Variants in DENND11 observed in about 807,000 individuals in gnomAD.
The protein encoded by DENND11 is DENN domain-containing protein 11.
A neutral mutation model predicts 49.2 loss-of-function variants in DENND11; 34 were observed. The observed-to-expected ratio is 0.69, with a 90% CI of 0.53 to 0.92. The LOEUF is 0.92. Among genes scored for constraint, DENND11 ranks in the 40% least tolerant of loss-of-function variants. DENND11 has a pLI of 0.00. For missense variants in DENND11, 475 were observed against 581.6 expected (o/e 0.82, Z 1.88); for synonymous variants, 238 against 230.3 (o/e 1.03, Z -0.30).
chr7:141,672,452 C>G lies in DENND11; in HGVS notation c.681+1615G>C, dbSNP rs543258883. ...AGCAAGCTCACATAGTGGAGAGACC[C>G]ACATGGCTAAGAACTGAGGGGAGCC... On this transcript the variant is annotated intron_variant, in intron 4 of 8. Coordinates refer to ENST00000536163, the MANE Select transcript of DENND11 (RefSeq NM_001080392.2). Among the ~76,000 whole-genome samples, 11 of 152,312 alleles carry G rather than the reference C, an allele frequency of 7.2e-5. No individual in the cohort carries two copies. In the East Asian group the frequency reaches 2.1e-3, roughly 29 times the overall value.
At chr7:141,675,203 G>A (rs1353841723) in intron 3 of DENND11, among the ~76,000 whole-genome samples, 1 of 152,096 alleles carries the variant, frequency 6.6e-6, no homozygotes, top group African/African-American at 2.4e-5. Flanking sequence ...GACAGAGACT[G>A]GGATGATGCA....
At chr7:141,669,994 TAG>T (rs1425705194) in intron 4 of DENND11, among the ~76,000 whole-genome samples, 7 of 151,436 alleles carry the variant, frequency 4.6e-5, no homozygotes, top group African/African-American at 9.7e-5. Flanking sequence ...GTATTTTTAG[TAG>T]AGACGGGGTT....
intron 1 of DENND11, among the ~76,000 whole-genome samples, chr7:141,694,251 G>A (rs2117081241): frequency 6.6e-6 from 1 of 152,222 alleles, no homozygotes; most frequent in African/African-American, 2.4e-5. Context: ...CTTATTCTTA[G>A]GAGATTTATA....
At chr7:141,687,503 G>A (rs545623444) in intron 1 of DENND11, among the ~76,000 whole-genome samples, 6 of 150,630 alleles carry the variant, frequency 4.0e-5, no homozygotes, top group South Asian at 4.2e-4. Context: ...TCACTTTGTC[G>A]CCCAGGCTGG....
At chr7:141,683,264 C>G (rs1798175792) in intron 3 of DENND11, among the ~76,000 whole-genome samples, 1 of 152,026 alleles carries the variant, frequency 6.6e-6, no homozygotes, top group Non-Finnish European at 1.5e-5. Context: ...AGAAAAAGTT[C>G]CTAAAATTAA....
chr7:141,665,329 A>G lies in DENND11; in HGVS notation c.821-11T>C. On this transcript the variant is annotated splice_polypyrimidine_tract_variant and intron_variant, in intron 5 of 8. Coordinates refer to ENST00000536163, the MANE Select transcript of DENND11 (RefSeq NM_001080392.2). ...AGCAGCAGCAGTACACTGTGGGGATAGAGGAGGTGAGCGGGGAGGGTCTGC... is the reference window on the plus strand; with the variant it reads ...AGCAGCAGCAGTACACTGTGGGGATGGAGGAGGTGAGCGGGGAGGGTCTGC... 6.2e-7 allele frequency: 1 copy of G among 1,613,706 alleles called. No homozygotes were observed. Among genetic ancestry groups the G allele is most frequent in the Non-Finnish European group, 8.5e-7 (1 of 1,179,814 alleles).
intron 3 of DENND11, among the ~76,000 whole-genome samples, chr7:141,683,621 C>T (rs1043218407): frequency 5.9e-5 from 9 of 152,128 alleles, no homozygotes; most frequent in African/African-American, 9.7e-5. Context: ...CCAGCCTGGG[C>T]GACAGAGTGA....
chr7:141,696,837 C>A lies in DENND11; in HGVS notation c.268+5049G>T, dbSNP rs1798422538. 4.6e-5 allele frequency among the ~76,000 whole-genome samples: 7 copies of A among 152,160 alleles called. 1 individual carries two copies. The South Asian group carries it at 1.4e-3, about 31-fold the overall frequency. ...ACCCTAACATCAGAAAAGTAAATAA[C>A]CCAGGTGAGTTGACTTTGGGTCTTA... is the stretch of plus-strand genomic sequence containing the variant. On this transcript the variant is annotated intron_variant, in intron 1 of 8. Coordinates refer to ENST00000536163, the MANE Select transcript of DENND11 (RefSeq NM_001080392.2).
intron 1 of DENND11, among the ~76,000 whole-genome samples, chr7:141,687,252 G>A (rs1182680869): frequency 1.3e-5 from 2 of 152,112 alleles, no homozygotes; most frequent in African/African-American, 2.4e-5. Flanking sequence ...CTCTAAGTGA[G>A]GTCCTTCTTC....
At chr7:141,670,012 G>T (rs796693821) in intron 4 of DENND11, among the ~76,000 whole-genome samples, 1 of 150,304 alleles carries the variant, frequency 6.7e-6, no homozygotes, top group African/African-American at 2.5e-5. Context: ...GGGTTTCACC[G>T]TGTTAGCCAG....
rs1189169476 is a variant in DENND11 at position 141,662,856 on chromosome 7, A to G, written c.1173-5T>C. 1 of 1,534,476 alleles carries G rather than the reference A, an allele frequency of 6.5e-7. No individual in the cohort carries two copies. Among genetic ancestry groups the G allele is most frequent in the Non-Finnish European group, 8.8e-7 (1 of 1,139,278 alleles). The stretch of plus-strand genomic sequence containing the variant: ...TTGTTTTGTTCTAGGAAAAACCTGC[A>G]TTTGGAAGACAAGACACAGGAAAGG... On this transcript the variant is annotated splice_polypyrimidine_tract_variant and splice_region_variant and intron_variant, in intron 8 of 8. Coordinates refer to ENST00000536163, the MANE Select transcript of DENND11 (RefSeq NM_001080392.2).
chr7:141,679,889 A>G (rs1319039380), intron 3 of DENND11, among the ~76,000 whole-genome samples: 1 of 152,248 alleles, frequency 6.6e-6, no homozygotes, highest in East Asian at 1.9e-4. Flanking sequence ...TCTTTTATCC[A>G]TCAGGTTAGA....
At chr7:141,668,027 T>A (rs1168718658) in intron 4 of DENND11, among the ~76,000 whole-genome samples, 3 of 152,132 alleles carry the variant, frequency 2.0e-5, no homozygotes, top group Non-Finnish European at 4.4e-5. Context: ...TAGGAAAGGG[T>A]GCCAAAGCAC....
At chr7:141,679,875 C>G (rs1398377661) in intron 3 of DENND11, among the ~76,000 whole-genome samples, 1 of 152,138 alleles carries the variant, frequency 6.6e-6, no homozygotes, top group Non-Finnish European at 1.5e-5. Flanking sequence ...TACTGATGTA[C>G]TGTTCTTTTA....
chr7:141,689,866 T>C (rs1798298864), intron 1 of DENND11, among the ~76,000 whole-genome samples: 1 of 152,260 alleles, frequency 6.6e-6, no homozygotes, highest in Non-Finnish European at 1.5e-5. Context: ...TGTTCATCTA[T>C]TACTTCTATC....
At chr7:141,697,894 G>A (rs1173577008) in intron 1 of DENND11, among the ~76,000 whole-genome samples, 1 of 152,142 alleles carries the variant, frequency 6.6e-6, no homozygotes, top group Non-Finnish European at 1.5e-5. Flanking sequence ...ATGTAATCTG[G>A]GCACTGGCTA....
At chr7:141,677,503 G>GTA (rs140901096) in intron 3 of DENND11, among the ~76,000 whole-genome samples, 4,056 of 134,098 alleles carry the variant, frequency 0.03, 114 homozygotes, top group African/African-American at 0.077. Flanking sequence ...GTGTGTGTGT[G>GTA]TATATATATA....
At chr7:141,699,272 T>C (rs931116286) in intron 1 of DENND11, among the ~76,000 whole-genome samples, 1 of 152,070 alleles carries the variant, frequency 6.6e-6, no homozygotes, top group Non-Finnish European at 1.5e-5. Context: ...CAGCTCACTG[T>C]GCCACTATGG....
At chr7:141,701,769 G>T in intron 1 of DENND11, 117 bp downstream of exon 1, 2 of 882,022 alleles carry the variant, frequency 2.3e-6, no homozygotes, top group Non-Finnish European at 2.9e-6. Context: ...GCCGGCCCTG[G>T]TGCGGGGTGC....
Sources: allele counts gnomAD v4.1 joint callset (sites outside exome capture counted in the v4.1 genomes callset), GRCh38; gene constraint gnomAD v4.1.1; transcripts MANE v1.5; gene names NCBI Gene and HGNC (gene_info 2026-07-23, HGNC 2026-07-21).